The following WASHC4 variants were observed in gnomAD, a reference collection of about 807,000 sequenced individuals.
WASHC4 encodes WASH complex subunit 4.
WASHC4 carries 86 observed loss-of-function variants against 166.6 expected under a neutral mutation model. The observed-to-expected ratio is 0.52, with a 90% CI of 0.43 to 0.62. WASHC4 has a LOEUF of 0.62. WASHC4 is among the 20% of genes least tolerant of loss of function. The pLI is 0.00. For synonymous variants in WASHC4, 446 were observed against 451.6 expected (o/e 0.99, Z 0.16); for missense variants, 1,262 against 1,382.4 (o/e 0.91, Z 1.38).
chr12:105,145,454 A>G (rs935652532), intron 22 of WASHC4, among the ~76,000 whole-genome samples: 3 of 152,040 alleles, frequency 2.0e-5, no homozygotes, highest in African/African-American at 7.2e-5. Context: ...ACATTTATTC[A>G]GTTCTAAAAT....
intron 24 of WASHC4, chr12:105,148,336 TTCTATCA>T: frequency 1.0e-6 from 1 of 985,418 alleles, no homozygotes; most frequent in Non-Finnish European, 1.2e-6. Context: ...CTTCCTTGAC[TTCTATCA>T]TCTATCAAAT....
chr12:105,138,551 C>T (rs755306466), intron 15 of WASHC4, among the ~76,000 whole-genome samples: 57 of 152,124 alleles, frequency 3.7e-4, no homozygotes, highest in African/African-American at 1.3e-3. Context: ...AGTATGGTAA[C>T]GTGTTTCTTA....
At position 105,107,974 on chromosome 12, in the gene WASHC4, A is replaced by T. The variant is rs73395740; in HGVS notation, c.61+113A>T. The T allele has an allele frequency of 8.2e-3, 6,680 of 810,376 alleles. 89 individuals are homozygous for T. The highest frequency in any genetic ancestry group is 0.042 in the African/African-American group (2,494 of 59,016). 50.2% of individuals were successfully genotyped at this position (810,376 alleles called of 1,614,324 possible). Reference sequence around the variant, plus strand: ...CGGCTGCGCAGCCGTCTGGTGCGGGACACTTCAGAGCCCTTGGGGTGTGCG... The same window carrying T: ...CGGCTGCGCAGCCGTCTGGTGCGGGTCACTTCAGAGCCCTTGGGGTGTGCG... On this transcript the variant is annotated intron_variant, in intron 1 of 32. Coordinates refer to ENST00000332180, the MANE Select transcript of WASHC4 (RefSeq NM_015275.3).
At chr12:105,152,759 G>T (rs907369835) in intron 26 of WASHC4, among the ~76,000 whole-genome samples, 8 of 152,126 alleles carry the variant, frequency 5.3e-5, no homozygotes, top group African/African-American at 1.9e-4. Context: ...TACCTGCTCT[G>T]TTCAAGGCAC....
intron 13 of WASHC4, among the ~76,000 whole-genome samples, chr12:105,129,600 C>T (rs146630239): frequency 2.2e-3 from 334 of 152,278 alleles, no homozygotes; most frequent in African/African-American, 7.7e-3. Flanking sequence ...TCCCTAGATG[C>T]AGCTGATCAG....
intron 2 of WASHC4, among the ~76,000 whole-genome samples, chr12:105,113,675 T>C (rs1251611232): frequency 1.3e-5 from 2 of 152,040 alleles, no homozygotes; most frequent in Non-Finnish European, 2.9e-5. Context: ...GAGATTTCAC[T>C]TGATAAATAG....
intron 28 of WASHC4, among the ~76,000 whole-genome samples, chr12:105,158,521 T>TGA (rs1341350607): frequency 6.6e-6 from 1 of 152,194 alleles, no homozygotes; most frequent in Non-Finnish European, 1.5e-5. Flanking sequence ...GAGCATTTTA[T>TGA]GAAACACTTG....
chr12:105,138,279 AAAAG>A (rs1040306432), intron 15 of WASHC4, among the ~76,000 whole-genome samples: 2 of 151,924 alleles, frequency 1.3e-5, no homozygotes, highest in African/African-American at 2.4e-5. Flanking sequence ...AGTGAGAGAG[AAAAG>A]AAAGAAAATG....
chr12:105,119,366 TA>T (rs1249221071), intron 7 of WASHC4, among the ~76,000 whole-genome samples: 13 of 152,232 alleles, frequency 8.5e-5, no homozygotes. Flanking sequence ...ATTAATACAT[TA>T]ACTTTGTTTA....
chr12:105,112,194 C>T (rs1469347761), intron 2 of WASHC4, among the ~76,000 whole-genome samples: 1 of 152,150 alleles, frequency 6.6e-6, no homozygotes, highest in Non-Finnish European at 1.5e-5. Context: ...CTTATGTTTT[C>T]AAGGCTCATC....
intron 8 of WASHC4, 50 bp downstream of exon 8, chr12:105,120,647 TACTTTGGA>T (rs1162071448): frequency 1.5e-6 from 2 of 1,309,614 alleles, no homozygotes; most frequent in Non-Finnish European, 2.2e-6. Context: ...TACTATATTT[TACTTTGGA>T]GTTTGTATGG....
chr12:105,127,021 A>G, intron 12 of WASHC4, 108 bp from the exon 13 acceptor site: 1 of 930,694 alleles, frequency 1.1e-6, no homozygotes, highest in Non-Finnish European at 1.7e-6. Context: ...TTTTGTGGTT[A>G]TTTTTTCTTG....
At chr12:105,145,350 A>T (rs1348823293) in intron 22 of WASHC4, among the ~76,000 whole-genome samples, 1 of 152,040 alleles carries the variant, frequency 6.6e-6, no homozygotes, top group Non-Finnish European at 1.5e-5. Context: ...GTTAATGTAC[A>T]GTATGGCATT....
chr12:105,126,406 G>C (rs768362075), intron 12 of WASHC4, 44 bp downstream of exon 12: 3 of 1,418,538 alleles, frequency 2.1e-6, no homozygotes. Flanking sequence ...AGATTAAAAA[G>C]ATTGCAGATA....
chr12:105,151,563 C>A (rs954862233), intron 25 of WASHC4, among the ~76,000 whole-genome samples: 2 of 151,934 alleles, frequency 1.3e-5, no homozygotes, highest in Non-Finnish European at 2.9e-5. Flanking sequence ...CTCACTGCAG[C>A]CTCCGCCTCT....
At chr12:105,148,344 TC>T in intron 24 of WASHC4, 5 of 985,406 alleles carry the variant, frequency 5.1e-6, no homozygotes, top group Non-Finnish European at 6.0e-6. Context: ...ACTTCTATCA[TC>T]TATCAAATAT....
rs140532594 is a variant in WASHC4, at chr12:105,143,673, G to A, written c.2010+430G>A. Among the ~76,000 whole-genome samples the A allele has an allele frequency of 3.2e-3, 484 of 151,940 alleles. 2 individuals carry two copies. The highest frequency in any genetic ancestry group is 0.011 in the African/African-American group (455 of 41,512). On this transcript the variant is annotated intron_variant, in intron 20 of 32. Transcript: ENST00000332180. ...AAAGTAATTTGAATCCAATATGTATGCCCCTCCTTTTGTTAAGGAAATATG... is the reference window on the plus strand; with the variant it reads ...AAAGTAATTTGAATCCAATATGTATACCCCTCCTTTTGTTAAGGAAATATG...
In WASHC4 at chr12:105,148,302, A is replaced by G. The variant is rs1592903022; in HGVS notation, c.2514+1156A>G. 5 of 985,418 alleles carry G rather than the reference A, an allele frequency of 5.1e-6. No homozygotes were observed. In the South Asian group the frequency reaches 1.9e-4, roughly 37 times the overall value. 61.0% of individuals were successfully genotyped at this position (985,418 alleles called of 1,614,324 possible). On this transcript the variant is annotated intron_variant, in intron 24 of 32. Transcript: ENST00000332180. ...ATGTTTGTACCTTTGAGGATAAATAAAACTGAACTTTTGAGAGTAAACTCT... is the reference window on the plus strand; with the variant it reads ...ATGTTTGTACCTTTGAGGATAAATAGAACTGAACTTTTGAGAGTAAACTCT...
At chr12:105,136,592 A>T (rs1196811) in intron 14 of WASHC4, among the ~76,000 whole-genome samples, 133,248 of 152,152 alleles carry the variant, frequency 0.88, 58,602 homozygotes, top group South Asian at 0.94. Flanking sequence ...TGGAGTTCTG[A>T]ACTTCAAGTA....
Sources: allele counts gnomAD v4.1 joint callset (sites outside exome capture counted in the v4.1 genomes callset), GRCh38; gene constraint gnomAD v4.1.1; transcripts MANE v1.5; gene names NCBI Gene and HGNC (gene_info 2026-07-23, HGNC 2026-07-21).